The following RYR1 variants were observed in gnomAD, a reference collection of about 807,000 sequenced individuals.
The protein encoded by RYR1 is ryanodine receptor 1.
A neutral mutation model predicts 583.5 loss-of-function variants in RYR1; 342 were observed. The observed-to-expected ratio is 0.59, with a 90% CI of 0.54 to 0.64. RYR1 has a LOEUF of 0.64. Among genes scored for constraint, RYR1 ranks in the 30% least tolerant of loss-of-function variants. The pLI is 0.00. For missense variants in RYR1, 6,032 were observed against 6,917.2 expected, an observed-to-expected ratio of 0.87 and a Z score of 4.54; for synonymous variants, 2,791 against 2,822.5, an observed-to-expected ratio of 0.99 and a Z score of 0.35.
chr19:38,570,454 A>AAAT (rs1011441338), intron 93 of RYR1, among the ~76,000 whole-genome samples, 153 bp from the exon 94 acceptor site: 8 of 152,054 alleles, frequency 5.3e-5, no homozygotes, highest in East Asian at 3.8e-4. Context: ...TCTGTCTCAA[A>AAAT]AATAATAATA....
rs1971114611 is a variant in RYR1 at position 38,519,283 on chromosome 19, G to A, written c.10088G>A (p.Gly3363Glu). The A allele has an allele frequency of 6.2e-7, 1 of 1,614,104 alleles. No individual in the cohort carries two copies. Among genetic ancestry groups the A allele is most frequent in the East Asian group, 2.2e-5 (1 of 44,872 alleles). Residue 3363 changes from glycine to glutamate, a missense_variant, in exon 67 of 106, where the codon GGG becomes GAG. Gly to Glu is a moderately conservative substitution (Grantham distance 98). Around this residue, in one of 11 missense-constraint regions of RYR1, gnomAD observed 1,493 missense variants for 1,715.5 expected, o/e 0.87. Transcript: ENST00000359596. Reference protein sequence around the residue: ...LLQSHFIPTIGRLRKRAGKVV... With the variant: ...LLQSHFIPTIERLRKRAGKVV... ...CAGTCCCACTTCATCCCAACTATCGGGCGGCTGCGCAAGAGGGCAGGGAAG... is the reference window on the plus strand; with the variant it reads ...CAGTCCCACTTCATCCCAACTATCGAGCGGCTGCGCAAGAGGGCAGGGAAG...
At chr19:38,573,477 T>A (rs940694388) in intron 96 of RYR1, among the ~76,000 whole-genome samples, 170 bp downstream of exon 96, 10 of 151,926 alleles carry the variant, frequency 6.6e-5, no homozygotes, top group African/African-American at 2.4e-4. Context: ...GTCAGGAGTT[T>A]GAGACCAGCC....
chr19:38,548,085 G>A lies in RYR1; in HGVS notation c.12095-148G>A, dbSNP rs1972508883. 4 of 828,640 alleles carry A rather than the reference G, an allele frequency of 4.8e-6. No homozygotes were observed. In the Admixed American group the frequency reaches 8.1e-5, roughly 17 times the overall value. 51.3% of individuals were successfully genotyped at this position (828,640 alleles called of 1,614,324 possible). On this transcript the variant is annotated intron_variant, in intron 88 of 105. Coordinates refer to ENST00000359596, the MANE Select transcript of RYR1 (RefSeq NM_000540.3). ...CAGGTTGGCACAGGAGGCTGACGCAGGTCAGGAAGGGACCTGTGGAGGGGA... is the reference window on the plus strand; with the variant it reads ...CAGGTTGGCACAGGAGGCTGACGCAAGTCAGGAAGGGACCTGTGGAGGGGA...
rs193922825 is a variant in RYR1 at position 38,502,932 on chromosome 19, G to C, written c.7888G>C (p.Val2630Leu). 42 of 1,611,268 alleles carry C rather than the reference G, an allele frequency of 2.6e-5. No homozygotes were observed. In the Admixed American group the frequency reaches 3.7e-4, roughly 14 times the overall value. The change falls in exon 49 of 106, where the codon GTG becomes CTG. Residue 2630 changes from valine (V) to leucine (L), a missense_variant. Val to Leu is a conservative substitution (Grantham distance 32). Coordinates refer to ENST00000359596, the MANE Select transcript of RYR1 (RefSeq NM_000540.3). ...CCTGTTGCGCCGCCTGGTGTTCGAC[G>C]TGCCCATCCTCAACGAGTTCGCCAA... ...QHLLRRLVFD[V>L]PILNEFAKMP...
At position 38,486,213 on chromosome 19, in the gene RYR1, C is replaced by A; in HGVS notation, c.5547+11C>A. 1 of 1,612,742 alleles carries A rather than the reference C, an allele frequency of 6.2e-7. No homozygotes were observed. Among genetic ancestry groups the A allele is most frequent in the East Asian group, 2.2e-5 (1 of 44,870 alleles). Reference sequence around the variant, plus strand: ...GTGTCCACCCTGCTGGTAATGGCTTCCTCCTGCTTTCCTCTGTCCCATTCT... The same window carrying A: ...GTGTCCACCCTGCTGGTAATGGCTTACTCCTGCTTTCCTCTGTCCCATTCT... On this transcript the variant is annotated intron_variant, in intron 34 of 105. Coordinates refer to ENST00000359596, the MANE Select transcript of RYR1 (RefSeq NM_000540.3).
intron 51 of RYR1, 32 bp from the exon 52 acceptor site, chr19:38,504,971 T>TC: frequency 6.2e-7 from 1 of 1,613,566 alleles, no homozygotes; most frequent in Non-Finnish European, 8.5e-7. Context: ...GAACCCCAGC[T>TC]CCAACATCTG....
chr19:38,526,376 A>G (rs1231832512), intron 71 of RYR1, among the ~76,000 whole-genome samples: 3 of 147,666 alleles, frequency 2.0e-5, no homozygotes, highest in Non-Finnish European at 4.5e-5. Flanking sequence ...CAACCTACTA[A>G]CCCCCTGGAC....
chr19:38,494,290 A>G, intron 38 of RYR1, 62 bp from the exon 39 acceptor site: 3 of 1,604,462 alleles, frequency 1.9e-6, no homozygotes, highest in South Asian at 1.1e-5. Context: ...GTTCTGGTCC[A>G]AGGCCCCATG....
chr19:38,526,456 C>T (rs999234181), intron 71 of RYR1, among the ~76,000 whole-genome samples: 1 of 151,910 alleles, frequency 6.6e-6, no homozygotes, highest in African/African-American at 2.4e-5. Flanking sequence ...CAGGCACCTC[C>T]CAGGACTGCT....
Position 38,485,691 on chromosome 19 carries a change from G to T in RYR1, c.5036G>T (p.Arg1679Leu). ...YRAVCALGNN[R>L]VAHALCSHVD... ...GCTGTGTGCGCCCTGGGCAACAATCGCGTGGCGCACGCTCTGTGCAGCCAC... is the reference window on the plus strand; with the variant it reads ...GCTGTGTGCGCCCTGGGCAACAATCTCGTGGCGCACGCTCTGTGCAGCCAC... The change falls in exon 34 of 106, where the codon CGC becomes CTC. Residue 1679 changes from arginine (R) to leucine (L), a missense_variant. Arg to Leu is a moderately radical substitution (Grantham distance 102, BLOSUM62 -2). This residue lies in a region of RYR1 where 2,627 missense variants were observed against 2,961.3 expected (regional missense o/e 0.89). Coordinates refer to ENST00000359596, the MANE Select transcript of RYR1 (RefSeq NM_000540.3). The T allele has an allele frequency of 6.2e-7, 1 of 1,611,126 alleles. No homozygotes were observed.
chr19:38,531,619 C>A (rs114862383), intron 76 of RYR1, among the ~76,000 whole-genome samples: 1,625 of 152,192 alleles, frequency 0.011, 28 homozygotes, highest in African/African-American at 0.037. Context: ...GTGCCTCCAC[C>A]ATTAGCTCCA....
chr19:38,581,621 CAG>C (rs562575850), intron 101 of RYR1, among the ~76,000 whole-genome samples: 141 of 151,770 alleles, frequency 9.3e-4, no homozygotes, highest in Non-Finnish European at 1.4e-3. Flanking sequence ...GTTCCTGAGA[CAG>C]AGTCTCGTTC....
intron 99 of RYR1, among the ~76,000 whole-genome samples, chr19:38,579,357 G>A (rs941210335): frequency 3.3e-5 from 5 of 150,926 alleles, no homozygotes; most frequent in East Asian, 2.0e-4. Context: ...CCCGGGAGGC[G>A]GAGGTTGCAG....
In RYR1 at chr19:38,493,311, A is replaced by T. The variant is rs547839425; in HGVS notation, c.6274+675A>T. 2.0e-5 allele frequency among the ~76,000 whole-genome samples: 3 copies of T among 152,104 alleles called. No individual in the cohort carries two copies. In the South Asian group the frequency reaches 6.2e-4, roughly 32 times the overall value. ...AGCAGCTATCATTAATGTTGGGCCA[A>T]TGTGTTATTTTGCAAACTGTATATT... On this transcript the variant is annotated intron_variant, in intron 38 of 105. Coordinates refer to ENST00000359596, the MANE Select transcript of RYR1 (RefSeq NM_000540.3).
chr19:38,504,064 A>G (rs996201251), intron 49 of RYR1, among the ~76,000 whole-genome samples, 156 bp from the exon 50 acceptor site: 1 of 151,896 alleles, frequency 6.6e-6, no homozygotes, highest in Non-Finnish European at 1.5e-5. Context: ...CTCAATAAAC[A>G]TACCATTTCT....
At chr19:38,502,480 G>A in intron 47 of RYR1, 27 bp from the exon 48 acceptor site, 5 of 1,592,650 alleles carry the variant, frequency 3.1e-6, no homozygotes, top group Non-Finnish European at 4.3e-6. Context: ...TGTGCAGCGG[G>A]CCTGATGTCC....
At chr19:38,573,040 T>G in intron 95 of RYR1, 137 bp from the exon 96 acceptor site, 1 of 1,403,102 alleles carries the variant, frequency 7.1e-7, no homozygotes, top group Non-Finnish European at 9.8e-7. Context: ...CTGGGCCTCA[T>G]TTCTACCCTT....
At chr19:38,558,229 T>G (rs905776266) in intron 89 of RYR1, among the ~76,000 whole-genome samples, 1 of 152,106 alleles carries the variant, frequency 6.6e-6, no homozygotes, top group Non-Finnish European at 1.5e-5. Context: ...GAGGATCACT[T>G]GAGCCCAGGA....
chr19:38,485,995 C>A lies in RYR1; in HGVS notation c.5340C>A (p.Pro1780=). 1 of 1,613,596 alleles carries A rather than the reference C, an allele frequency of 6.2e-7. No homozygotes were observed. Among genetic ancestry groups the A allele is most frequent in the Non-Finnish European group, 8.5e-7 (1 of 1,179,934 alleles). The change falls in exon 34 of 106, where the codon CCC becomes CCA. Residue 1780 remains proline, a synonymous_variant. Transcript: ENST00000359596. ...GGCCCCCGCATCATTTCTCGCCCCC[C>A]TGTTTCGTGGCCGCTCTGCCAGCTG... ...SLRPPHHFSP[P]CFVAALPAAG...
Sources: gnomAD v4.1 joint callset for allele counts (sites outside exome capture counted in the v4.1 genomes callset) on GRCh38, gnomAD v4.1.1 for gene constraint, gnomAD v4.1.1 regional missense constraint, MANE v1.5 for transcripts, NCBI Gene and HGNC (gene_info 2026-07-23, HGNC 2026-07-21) for gene names.